The following ANK3 variants were observed in gnomAD, a reference collection of about 807,000 sequenced individuals.
ANK3 encodes the protein ankyrin 3.
A neutral mutation model predicts 370.9 loss-of-function variants in ANK3; 57 were observed. That is an observed-to-expected ratio of 0.15 (90% CI 0.12 to 0.19). The LOEUF (loss-of-function observed/expected upper bound fraction) is 0.19, where lower values mean the gene tolerates loss of function less well. ANK3 is among the 10% of genes least tolerant of loss of function. The pLI, the probability that ANK3 is intolerant of heterozygous loss-of-function variation, is 1.00. For synonymous variants in ANK3, 1,929 were observed against 1,946.3 expected, an observed-to-expected ratio of 0.99 and a Z score of 0.23; for missense variants, 4,439 against 5,302.1, an observed-to-expected ratio of 0.84 and a Z score of 5.06.
At chr10:60,649,222 G>A (rs1257204437) in intron 1 of ANK3, among the ~76,000 whole-genome samples, 2 of 151,512 alleles carry the variant, frequency 1.3e-5, no homozygotes, top group Non-Finnish European at 2.9e-5. Flanking sequence ...TCCACGGGGA[G>A]GAAAAGCATA....
intron 8 of ANK3, among the ~76,000 whole-genome samples, chr10:60,232,838 G>A (rs564457993): frequency 1.3e-5 from 2 of 152,190 alleles, no homozygotes; most frequent in African/African-American, 4.8e-5. Flanking sequence ...GACACTCGAC[G>A]ATCATCTATT....
At chr10:60,406,287 T>C (rs923468779) in intron 2 of ANK3, among the ~76,000 whole-genome samples, 1 of 152,176 alleles carries the variant, frequency 6.6e-6, no homozygotes. Context: ...AGGCAGGCAC[T>C]AGATTTGGGT....
In ANK3 at chr10:60,242,629, G is replaced by A. The variant is rs553600607; in HGVS notation, c.799-7843C>T. Among the ~76,000 whole-genome samples, 27 of 152,230 alleles carry A rather than the reference G, an allele frequency of 1.8e-4. No individual in the cohort carries two copies. The Middle Eastern group carries it at 0.01, about 58-fold the overall frequency. ...ACCCACTTTCATGAGAGCTGATACT[G>A]AGAATGTGCCTTATCCTTAATGAAC... On this transcript the variant is annotated intron_variant, in intron 7 of 43. Transcript: ENST00000280772.
chr10:60,483,591 A>T (rs937520569), intron 2 of ANK3, among the ~76,000 whole-genome samples: 1 of 151,910 alleles, frequency 6.6e-6, no homozygotes, highest in Admixed American at 6.6e-5. Context: ...AAGTTAACTG[A>T]TTTTTTTTCT....
chr10:60,521,156 T>C (rs1475717596), intron 2 of ANK3, among the ~76,000 whole-genome samples: 1 of 152,114 alleles, frequency 6.6e-6, no homozygotes, highest in East Asian at 1.9e-4. Context: ...GTGTATCAGC[T>C]TTAAAGAGGT....
chr10:60,081,836 T>A, intron 35 of ANK3: 1 of 239,530 alleles, frequency 4.2e-6, no homozygotes. Flanking sequence ...TTCTCACTAT[T>A]GCACTTGACT....
chr10:60,240,163 CACATATATAT>C (rs1455528901), intron 7 of ANK3, among the ~76,000 whole-genome samples: 1 of 118,070 alleles, frequency 8.5e-6, no homozygotes, highest in African/African-American at 3.2e-5. Context: ...TACATATATA[CACATATATAT>C]ACATATATAC....
intron 1 of ANK3, among the ~76,000 whole-genome samples, chr10:60,297,709 T>C (rs2042836154): frequency 6.6e-6 from 1 of 152,158 alleles, no homozygotes; most frequent in African/African-American, 2.4e-5. Flanking sequence ...TAACTTAAAT[T>C]TGATTATCAT....
intron 2 of ANK3, among the ~76,000 whole-genome samples, chr10:60,612,830 T>G (rs1185837908): frequency 1.3e-5 from 2 of 152,188 alleles, no homozygotes; most frequent in African/African-American, 4.8e-5. Context: ...GTATTCCCAG[T>G]AGTCTTTGTA....
intron 11 of ANK3, 68 bp downstream of exon 11, chr10:60,205,724 T>TGG (rs1048456265): frequency 1.9e-5 from 22 of 1,170,644 alleles, no homozygotes; most frequent in Non-Finnish European, 2.4e-5. Flanking sequence ...GAGATGGCCC[T>TGG]GGGGCTCTGG....
intron 2 of ANK3, among the ~76,000 whole-genome samples, chr10:60,409,405 T>C (rs1327809039): frequency 4.6e-5 from 7 of 152,314 alleles, no homozygotes; most frequent in Non-Finnish European, 8.8e-5. Flanking sequence ...AGAATATCAG[T>C]CTATGTGGGT....
chr10:60,347,280 A>T (rs1225138140), intron 1 of ANK3, among the ~76,000 whole-genome samples: 1 of 151,932 alleles, frequency 6.6e-6, no homozygotes, highest in Non-Finnish European at 1.5e-5. Context: ...GTTTATGTAG[A>T]TTTTTAAGGG....
chr10:60,127,844 C>T (rs371790966), intron 25 of ANK3, among the ~76,000 whole-genome samples: 3 of 151,632 alleles, frequency 2.0e-5, no homozygotes, highest in African/African-American at 4.8e-5. Context: ...ATTACAGGAA[C>T]GTGCCACCAT....
intron 29 of ANK3, among the ~76,000 whole-genome samples, chr10:60,087,236 A>G (rs2086952214): frequency 6.6e-6 from 1 of 152,224 alleles, no homozygotes; most frequent in Admixed American, 6.5e-5. Flanking sequence ...CCTATGCAGG[A>G]CATTCAGTAA....
chr10:60,141,138 A>G, intron 23 of ANK3: 1 of 500,466 alleles, frequency 2.0e-6, no homozygotes, highest in Non-Finnish European at 2.6e-6. Context: ...AGCAGCAGTG[A>G]TTCCCATAAC....
chr10:60,161,311 G>A (rs1404508558), intron 23 of ANK3, among the ~76,000 whole-genome samples: 1 of 152,072 alleles, frequency 6.6e-6, no homozygotes, highest in Admixed American at 6.6e-5. Context: ...AGTTACTATA[G>A]AGAAGAGTAT....
At chr10:60,592,194 T>C (rs2077925337) in intron 2 of ANK3, among the ~76,000 whole-genome samples, 1 of 152,160 alleles carries the variant, frequency 6.6e-6, no homozygotes, top group Non-Finnish European at 1.5e-5. Context: ...ACCCCATAAA[T>C]ATATACACCT....
chr10:60,403,501 A>G (rs1399150343), intron 2 of ANK3, among the ~76,000 whole-genome samples: 2 of 152,268 alleles, frequency 1.3e-5, no homozygotes, highest in Non-Finnish European at 2.9e-5. Context: ...ATCCCCGAAT[A>G]CAAGCTTCAT....
chr10:60,064,026 T>A, intron 39 of ANK3, 131 bp downstream of exon 39: 1 of 828,952 alleles, frequency 1.2e-6, no homozygotes, highest in African/African-American at 1.8e-5. Flanking sequence ...TATTACCTCA[T>A]GATCACTTAG....
Sources: allele counts gnomAD v4.1 joint callset (sites outside exome capture counted in the v4.1 genomes callset), GRCh38; gene constraint gnomAD v4.1.1; transcripts MANE v1.5; gene names NCBI Gene and HGNC (gene_info 2026-07-23, HGNC 2026-07-21).